The following TENM3 variants were observed in gnomAD, a reference collection of about 807,000 sequenced individuals.
The protein encoded by TENM3 is teneurin transmembrane protein 3.
A neutral mutation model predicts 255.1 loss-of-function variants in TENM3; 63 were observed. The observed-to-expected ratio is 0.25, with a 90% CI of 0.20 to 0.30. TENM3 has a LOEUF of 0.30. Among genes scored for constraint, TENM3 ranks in the 10% least tolerant of loss-of-function variants. TENM3 has a pLI of 1.00. For synonymous variants in TENM3, 1,306 were observed against 1,322.3 expected (o/e 0.99, Z 0.27); for missense variants, 2,929 against 3,461.1 (o/e 0.85, Z 3.86).
At chr4:181,935,518 G>C in the TENM3 span, among the ~76,000 whole-genome samples, 2 of 152,166 alleles carry the variant, frequency 1.3e-5, no homozygotes, top group Non-Finnish European at 2.9e-5. Context: ...ATTCAGTCTA[G>C]TCTCTCTCTG....
intron 7 of TENM3, among the ~76,000 whole-genome samples, chr4:182,679,087 A>G (rs1755893538): frequency 6.6e-6 from 1 of 152,176 alleles, no homozygotes; most frequent in Non-Finnish European, 1.5e-5. Context: ...GAGGGATAGC[A>G]TTAGGAGAAA....
the TENM3 span, among the ~76,000 whole-genome samples, chr4:181,549,277 G>A: frequency 6.6e-6 from 1 of 152,360 alleles, no homozygotes. Context: ...GAACATGAAA[G>A]AGACAAGGGA....
the TENM3 span, among the ~76,000 whole-genome samples, chr4:181,725,389 T>G: frequency 3.3e-5 from 5 of 151,498 alleles, no homozygotes; most frequent in African/African-American, 1.2e-4. Context: ...AACTGCAAAA[T>G]AAGGATCTGA....
chr4:182,789,679 A>G lies in TENM3; in HGVS notation c.5601+290A>G, dbSNP rs1321221864. ...CCAAGCTTACACATTGACAACATTC[A>G]CAAATTAGACCTTGAGCGTGTAAGT... On this transcript the variant is annotated intron_variant, in intron 25 of 27. Coordinates refer to ENST00000511685, the MANE Select transcript of TENM3 (RefSeq NM_001080477.4). This position sits in a 1 kb window ranked among gnomAD's most constrained non-coding sequence, Gnocchi z 4.4. 7.9e-5 allele frequency among the ~76,000 whole-genome samples: 12 copies of G among 152,248 alleles called. No individual in the cohort carries two copies. The highest frequency in any genetic ancestry group is 1.5e-5 in the Non-Finnish European group (1 of 68,044).
chr4:181,742,649 C>CT, the TENM3 span, among the ~76,000 whole-genome samples: 95 of 151,240 alleles, frequency 6.3e-4, no homozygotes, highest in Admixed American at 4.6e-3. Context: ...ATTGGAAGTG[C>CT]TTTTTTTTGC....
chr4:181,662,910 GA>G, the TENM3 span, among the ~76,000 whole-genome samples: 1 of 152,096 alleles, frequency 6.6e-6, no homozygotes, highest in South Asian at 2.1e-4. Flanking sequence ...GTATGGATAG[GA>G]AATGGCCATA....
intron 3 of TENM3, among the ~76,000 whole-genome samples, chr4:182,387,637 C>T (rs747804297): frequency 6.6e-6 from 1 of 151,978 alleles, no homozygotes; most frequent in Non-Finnish European, 1.5e-5. Flanking sequence ...ACTCCTGAGC[C>T]CAGGGAGTCC....
chr4:182,758,268 A>G lies in TENM3; in HGVS notation c.4892+3009A>G, dbSNP rs778792582. Among the ~76,000 whole-genome samples, 186 of 152,322 alleles carry G rather than the reference A, an allele frequency of 1.2e-3. 3 individuals carry two copies. Among genetic ancestry groups the G allele is most frequent in the South Asian group, 4.1e-4 (2 of 4,822 alleles). On this transcript the variant is annotated intron_variant, in intron 22 of 27. Coordinates refer to ENST00000511685, the MANE Select transcript of TENM3 (RefSeq NM_001080477.4). ...TACATTCTTGTAATTTGGCTGTGAA[A>G]GAGCAAAGGCCGCCTCTTCTAAGGG... is the stretch of plus-strand genomic sequence containing the variant.
At chr4:181,536,637 A>G in the TENM3 span, among the ~76,000 whole-genome samples, 1 of 152,168 alleles carries the variant, frequency 6.6e-6, no homozygotes, top group Non-Finnish European at 1.5e-5. Flanking sequence ...CTTTATTTCT[A>G]CCACGTCATT....
the TENM3 span, among the ~76,000 whole-genome samples, chr4:181,790,155 T>C: frequency 1.3e-5 from 2 of 152,126 alleles, no homozygotes; most frequent in South Asian, 4.1e-4. Context: ...CAGAATTGAA[T>C]TGAAGTATGG....
At chr4:182,287,091 C>A (rs1479827174) in intron 1 of TENM3, among the ~76,000 whole-genome samples, 1 of 152,054 alleles carries the variant, frequency 6.6e-6, no homozygotes, top group South Asian at 2.1e-4. Context: ...AACTGGGTGC[C>A]GTGGTGCATG....
At chr4:181,523,925 G>A in the TENM3 span, among the ~76,000 whole-genome samples, 1 of 152,128 alleles carries the variant, frequency 6.6e-6, no homozygotes, top group African/African-American at 2.4e-5. Context: ...TGACAAAAAG[G>A]GAAAAGGAAA....
chr4:181,797,519 T>A, the TENM3 span, among the ~76,000 whole-genome samples: 2 of 152,104 alleles, frequency 1.3e-5, no homozygotes, highest in African/African-American at 4.8e-5. Context: ...TACATGAATG[T>A]GTATATATTT....
At chr4:181,597,071 A>G in the TENM3 span, among the ~76,000 whole-genome samples, 1 of 152,192 alleles carries the variant, frequency 6.6e-6, no homozygotes, top group African/African-American at 2.4e-5. Flanking sequence ...ACTTAAAATG[A>G]AAGTTAAAAA....
intron 1 of TENM3, among the ~76,000 whole-genome samples, chr4:182,273,253 G>A (rs1047495078): frequency 6.6e-6 from 1 of 152,204 alleles, no homozygotes; most frequent in Admixed American, 6.5e-5. Flanking sequence ...GCACAGCTCT[G>A]AAGAGGTTAA....
At chr4:182,509,037 A>G (rs899518533) in intron 3 of TENM3, among the ~76,000 whole-genome samples, 2 of 152,192 alleles carry the variant, frequency 1.3e-5, no homozygotes, top group Admixed American at 1.3e-4. Context: ...TTGTGATGTG[A>G]CTAAATTGAA....
At chr4:181,858,790 A>G in the TENM3 span, among the ~76,000 whole-genome samples, 3 of 152,186 alleles carry the variant, frequency 2.0e-5, no homozygotes, top group African/African-American at 4.8e-5. Context: ...GGGCTGCTAC[A>G]TTGTAAGGGA....
intron 3 of TENM3, among the ~76,000 whole-genome samples, chr4:182,488,287 G>A (rs1447012847): frequency 1.3e-5 from 2 of 152,042 alleles, no homozygotes; most frequent in African/African-American, 4.8e-5. Flanking sequence ...AATCGAAAGA[G>A]GGTTCTAAAA....
chr4:182,679,602 A>G (rs1755955946), intron 7 of TENM3, 64 bp from the exon 8 acceptor site: 6 of 1,333,554 alleles, frequency 4.5e-6, no homozygotes, highest in African/African-American at 1.5e-5. Context: ...TTGAAGAGAA[A>G]AAAAAAAAGA....
Sources: gnomAD v4.1 joint callset for allele counts (sites outside exome capture counted in the v4.1 genomes callset) on GRCh38, gnomAD v4.1.1 for gene constraint, Gnocchi (gnomAD v3.1) non-coding constraint, MANE v1.5 for transcripts, NCBI Gene and HGNC (gene_info 2026-07-23, HGNC 2026-07-21) for gene names.